The following ALPK2 variants were observed in gnomAD, a reference collection of about 807,000 sequenced individuals.
The protein encoded by ALPK2 is alpha kinase 2, also known as alpha-protein kinase 2.
ALPK2 carries 127 observed loss-of-function variants against 163.1 expected under a neutral mutation model. The observed-to-expected ratio is 0.78, with a 90% CI of 0.67 to 0.90. ALPK2 has a LOEUF of 0.90. Ranked by LOEUF, ALPK2 falls within the 40% of genes least tolerant of loss-of-function variation. The probability of loss-of-function intolerance (pLI) is 0.00; values close to 1 mark genes in which losing one functional copy is unlikely to be tolerated. For missense variants in ALPK2, 2,360 were observed against 2,589.6 expected, an observed-to-expected ratio of 0.91 and a Z score of 1.92; for synonymous variants, 953 against 959.1, an observed-to-expected ratio of 0.99 and a Z score of 0.12.
intron 6 of ALPK2, among the ~76,000 whole-genome samples, chr18:58,525,672 C>G (rs554050196): frequency 3.3e-5 from 5 of 152,104 alleles, no homozygotes; most frequent in Admixed American, 2.0e-4. Context: ...TGCTATGTAG[C>G]CTGTCACCCT....
chr18:58,597,531 T>G (rs1015655375), intron 3 of ALPK2, among the ~76,000 whole-genome samples: 1 of 152,190 alleles, frequency 6.6e-6, no homozygotes, highest in Non-Finnish European at 1.5e-5. Context: ...AAGTAAGAGA[T>G]GAGGCCAAGA....
chr18:58,585,582 C>A (rs2051981492), intron 3 of ALPK2, among the ~76,000 whole-genome samples: 2 of 150,566 alleles, frequency 1.3e-5, no homozygotes, highest in Non-Finnish European at 2.9e-5. Flanking sequence ...TGAAAATATT[C>A]TTATTTGATA....
chr18:58,482,140 A>T, intron 12 of ALPK2, 101 bp from the exon 13 acceptor site: 1 of 816,928 alleles, frequency 1.2e-6, no homozygotes, highest in South Asian at 1.6e-5. Context: ...TGCATGGAAC[A>T]TATATGAATT....
rs1257783507 is a variant in ALPK2 at position 58,613,707 on chromosome 18, AAAATAAT to A, written c.-20-1897_-20-1891del. ...GAGCAAGACTCCATCTCAAAAAAAAAAAATAATAATAATAATAATAATAATAATAATA... is the reference window on the plus strand; with the variant it reads ...GAGCAAGACTCCATCTCAAAAAAAAAAATAATAATAATAATAATAATAATA... On this transcript the variant is annotated intron_variant, in intron 1 of 12. Transcript: ENST00000361673. Among the ~76,000 whole-genome samples the A allele has an allele frequency of 2.4e-3, 233 of 97,136 alleles. 7 individuals carry two copies. Among genetic ancestry groups the A allele is most frequent in the African/African-American group, 9.0e-3 (181 of 20,214 alleles). The allele number at this position is 97,136 out of a possible 152,430, so 63.7% of individuals were successfully genotyped here.
chr18:58,544,666 G>A (rs1256214976), intron 4 of ALPK2: 1 of 152,208 alleles, frequency 6.6e-6, no homozygotes, highest in Non-Finnish European at 1.5e-5. Flanking sequence ...CCATTTCAAC[G>A]ATAAAATTCC....
Position 58,579,900 on chromosome 18 carries a change from G to T in ALPK2, c.876C>A (p.Asn292Lys), listed in dbSNP as rs376562472. 13 of 1,614,050 alleles carry T rather than the reference G, an allele frequency of 8.1e-6. No individual in the cohort carries two copies. The highest frequency in any genetic ancestry group is 9.3e-6 in the Non-Finnish European group (11 of 1,180,036). ...HIYPGDSAVA[N>K]KQPSPQLSSE... Reference sequence around the variant, plus strand: ...TGGAAAGCTGTGGGCTGGGTTGTTTGTTGGCCACGGCACTGTCACCTGGGT... The same window carrying T: ...TGGAAAGCTGTGGGCTGGGTTGTTTTTTGGCCACGGCACTGTCACCTGGGT... Residue 292 changes from asparagine to lysine, a missense_variant, in exon 4 of 13, where the codon AAC (asparagine) becomes AAA (lysine). By Grantham distance (94) the Asn-to-Lys change is moderately conservative (BLOSUM62 0). Transcript: ENST00000361673.
chr18:58,623,203 CT>C (rs1175384713), intron 1 of ALPK2, among the ~76,000 whole-genome samples: 1 of 152,102 alleles, frequency 6.6e-6, no homozygotes, highest in African/African-American at 2.4e-5. Context: ...TAGGGGAACA[CT>C]TTTCATATAA....
intron 10 of ALPK2, among the ~76,000 whole-genome samples, chr18:58,506,572 G>A (rs1568069117): frequency 6.6e-6 from 1 of 152,062 alleles, no homozygotes; most frequent in Non-Finnish European, 1.5e-5. Context: ...GAATCCTGAA[G>A]ACTCACCAGG....
At chr18:58,575,396 T>G (rs1264842632) in intron 4 of ALPK2, among the ~76,000 whole-genome samples, 1 of 152,152 alleles carries the variant, frequency 6.6e-6, no homozygotes, top group Non-Finnish European at 1.5e-5. Flanking sequence ...CGGAGCTCAA[T>G]TCTGTGCTTA....
intron 10 of ALPK2, among the ~76,000 whole-genome samples, chr18:58,512,675 GTA>G (rs1297103544): frequency 6.7e-6 from 1 of 149,228 alleles, no homozygotes; most frequent in African/African-American, 2.5e-5. Flanking sequence ...TGTGTGTGTG[GTA>G]TGTGTGTGGT....
chr18:58,552,808 C>T (rs1358299844), intron 4 of ALPK2, among the ~76,000 whole-genome samples: 2 of 152,056 alleles, frequency 1.3e-5, no homozygotes, highest in South Asian at 2.1e-4. Context: ...CCTGGGCTAC[C>T]GTGGTGGCTG....
chr18:58,578,487 A>G (rs2051933604), intron 4 of ALPK2: 2 of 198,684 alleles, frequency 1.0e-5, no homozygotes, highest in East Asian at 1.2e-4. Flanking sequence ...GCCTGGTAAA[A>G]CACATGCAGC....
chr18:58,514,018 A>T (rs1433420059), intron 10 of ALPK2, among the ~76,000 whole-genome samples: 1 of 152,166 alleles, frequency 6.6e-6, no homozygotes, highest in Non-Finnish European at 1.5e-5. Flanking sequence ...TCTTTTTTGA[A>T]GAAAACTTAA....
intron 1 of ALPK2, among the ~76,000 whole-genome samples, chr18:58,620,388 G>C (rs894939447): frequency 6.6e-6 from 1 of 152,130 alleles, no homozygotes; most frequent in Non-Finnish European, 1.5e-5. Context: ...GAAGCCATAC[G>C]CAAGAGACCA....
intron 4 of ALPK2, among the ~76,000 whole-genome samples, chr18:58,565,709 A>C (rs1038705837): frequency 6.6e-6 from 1 of 152,042 alleles, no homozygotes; most frequent in Non-Finnish European, 1.5e-5. Flanking sequence ...TGTAATCAAA[A>C]TTATTGATAT....
At chr18:58,513,674 G>C (rs1376152629) in intron 10 of ALPK2, among the ~76,000 whole-genome samples, 1 of 152,176 alleles carries the variant, frequency 6.6e-6, no homozygotes, top group East Asian at 1.9e-4. Flanking sequence ...GCCAGGAGTT[G>C]TAGGCCAGCC....
rs1369579864 is a variant in ALPK2, at chr18:58,535,482, C to T, written c.4705G>A (p.Glu1569Lys). ...NSTGQIHDVP[E>K]NDIVEPRKRQ... ...TTTCTGGGCTCAACTATGTCATTTT[C>T]AGGGACGTCATGAATTTGGCCTGTG... is the stretch of plus-strand genomic sequence containing the variant. The change falls in exon 5 of 13, where the codon GAA becomes AAA. Residue 1569 changes from glutamate to lysine, a missense_variant. Transcript: ENST00000361673. 6.2e-7 allele frequency: 1 copy of T among 1,614,198 alleles called. No individual in the cohort carries two copies. The highest frequency in any genetic ancestry group is 1.3e-5 in the African/African-American group (1 of 75,042).
At chr18:58,495,789 G>C (rs73443195) in intron 12 of ALPK2, among the ~76,000 whole-genome samples, 1 of 152,196 alleles carries the variant, frequency 6.6e-6, no homozygotes, top group African/African-American at 2.4e-5. Flanking sequence ...TCAGGGGCTA[G>C]GTGTAGATTA....
rs751762170 is a variant in ALPK2, at chr18:58,579,222, CTT to C, written c.1552_1553del (p.Lys518GlufsTer54). The C allele has an allele frequency of 1.7e-5, 28 of 1,614,016 alleles. No homozygotes were observed. The African/African-American group carries it at 2.9e-4, about 17-fold the overall frequency. On this transcript the variant is annotated frameshift_variant, in exon 4 of 13. Coordinates refer to ENST00000361673, the MANE Select transcript of ALPK2 (RefSeq NM_052947.4). LOFTEE classifies it high-confidence loss of function. ...TCCATAAGTCCTTTCCCCCCACTCT[CTT>C]GTCAGCTGCCGTCTCCCAACACTGG... ...MSQCWETAAD[K>X]RVGGKDLWSK...
Sources: gnomAD v4.1 joint callset for allele counts (sites outside exome capture counted in the v4.1 genomes callset) on GRCh38, gnomAD v4.1.1 for gene constraint, MANE v1.5 for transcripts, NCBI Gene and HGNC (gene_info 2026-07-23, HGNC 2026-07-21) for gene names.